The following SMYD3 variants were observed in gnomAD, a reference collection of about 807,000 sequenced individuals.
SMYD3 encodes SET and MYND domain containing 3.
A neutral mutation model predicts 57.7 loss-of-function variants in SMYD3; 36 were observed. That is an observed-to-expected ratio of 0.62 (90% CI 0.48 to 0.82). SMYD3 has a LOEUF of 0.82. Ranked by LOEUF, SMYD3 falls within the 40% of genes least tolerant of loss-of-function variation. SMYD3 has a pLI of 0.00. For missense variants in SMYD3, 515 were observed against 538.8 expected (o/e 0.96, Z 0.44); for synonymous variants, 211 against 195.0 (o/e 1.08, Z -0.68).
chr1:246,369,191 C>G (rs780476422), intron 1 of SMYD3, among the ~76,000 whole-genome samples: 3 of 152,156 alleles, frequency 2.0e-5, no homozygotes, highest in Non-Finnish European at 4.4e-5. Context: ...TACTCATTAT[C>G]ATCACAGTTT....
intron 5 of SMYD3, among the ~76,000 whole-genome samples, chr1:246,194,547 G>A (rs183671041): frequency 8.5e-5 from 13 of 152,254 alleles, no homozygotes; most frequent in East Asian, 5.8e-4. Flanking sequence ...GATTACAGGC[G>A]TCAGCCACTG....
intron 10 of SMYD3, among the ~76,000 whole-genome samples, chr1:245,829,414 A>G (rs2049704789): frequency 1.3e-5 from 2 of 152,170 alleles, no homozygotes; most frequent in Non-Finnish European, 2.9e-5. Flanking sequence ...GGCAAATTCA[A>G]ATTGAAACCA....
chr1:245,945,199 A>G (rs909814961), intron 5 of SMYD3, among the ~76,000 whole-genome samples: 2 of 152,236 alleles, frequency 1.3e-5, no homozygotes, highest in Non-Finnish European at 2.9e-5. Flanking sequence ...AACAGCCTAC[A>G]GAATGGAAGA....
chr1:246,323,263 G>T (rs535212684), intron 5 of SMYD3, among the ~76,000 whole-genome samples: 2 of 152,186 alleles, frequency 1.3e-5, no homozygotes, highest in African/African-American at 4.8e-5. Context: ...ATTAGGGTGT[G>T]TGTGTATTAA....
intron 5 of SMYD3, among the ~76,000 whole-genome samples, chr1:246,012,982 T>C (rs2059310797): frequency 6.6e-6 from 1 of 152,160 alleles, no homozygotes; most frequent in African/African-American, 2.4e-5. Context: ...ATGCTCCATA[T>C]TTGAAAGGAA....
At chr1:245,966,946 C>T (rs915674051) in intron 5 of SMYD3, among the ~76,000 whole-genome samples, 2 of 152,184 alleles carry the variant, frequency 1.3e-5, no homozygotes, top group Admixed American at 6.5e-5. Flanking sequence ...GCTTGCTTCT[C>T]ATCGATATCC....
At chr1:246,366,477 C>G (rs1344575736) in intron 1 of SMYD3, among the ~76,000 whole-genome samples, 2 of 151,980 alleles carry the variant, frequency 1.3e-5, no homozygotes, top group Admixed American at 6.6e-5. Context: ...TGGCAGGCTC[C>G]CCTGCAGAGA....
At chr1:246,477,905 C>T (rs922099846) in intron 1 of SMYD3, among the ~76,000 whole-genome samples, 1 of 152,228 alleles carries the variant, frequency 6.6e-6, no homozygotes, top group Non-Finnish European at 1.5e-5. Flanking sequence ...TGCGTCTACA[C>T]TACTGGTACT....
At chr1:246,135,032 A>G (rs1043457747) in intron 5 of SMYD3, among the ~76,000 whole-genome samples, 37 of 152,110 alleles carry the variant, frequency 2.4e-4, no homozygotes, top group African/African-American at 8.7e-4. Flanking sequence ...AATGCAAAAC[A>G]GCTTCTCTGA....
chr1:246,226,325 C>T (rs946010758), intron 5 of SMYD3, among the ~76,000 whole-genome samples: 2 of 151,062 alleles, frequency 1.3e-5, no homozygotes, highest in Non-Finnish European at 2.9e-5. Flanking sequence ...ACTAAGCACA[C>T]TTTGCATGAG....
chr1:246,467,630 C>A (rs2067899303), intron 1 of SMYD3, among the ~76,000 whole-genome samples: 1 of 152,066 alleles, frequency 6.6e-6, no homozygotes, highest in Admixed American at 6.6e-5. Context: ...TAAAAGTCTC[C>A]CATCAAAGCA....
At chr1:245,958,900 CTT>C (rs903368680) in intron 5 of SMYD3, among the ~76,000 whole-genome samples, 3 of 152,078 alleles carry the variant, frequency 2.0e-5, no homozygotes, top group Non-Finnish European at 4.4e-5. Flanking sequence ...ATTAAGAACT[CTT>C]TTTTGTTGTT....
At chr1:246,440,333 T>C (rs969762865) in intron 1 of SMYD3, among the ~76,000 whole-genome samples, 2 of 152,108 alleles carry the variant, frequency 1.3e-5, no homozygotes, top group Non-Finnish European at 2.9e-5. Flanking sequence ...AAAAGATACC[T>C]CCCACAAATT....
chr1:245,825,526 G>C (rs890898053), intron 10 of SMYD3, among the ~76,000 whole-genome samples: 2 of 152,122 alleles, frequency 1.3e-5, no homozygotes, highest in African/African-American at 4.8e-5. Flanking sequence ...TGTGTCTTCA[G>C]GCTGGAAGGG....
At chr1:245,830,812 A>G (rs1331852907) in intron 10 of SMYD3, among the ~76,000 whole-genome samples, 1 of 152,206 alleles carries the variant, frequency 6.6e-6, no homozygotes, top group Non-Finnish European at 1.5e-5. Flanking sequence ...ACCTATCTCT[A>G]AACCAGAAGA....
chr1:245,967,535 C>CTGTG (rs1435811988), intron 5 of SMYD3, among the ~76,000 whole-genome samples: 1 of 152,186 alleles, frequency 6.6e-6, no homozygotes, highest in Non-Finnish European at 1.5e-5. Flanking sequence ...AGCTGTTGCA[C>CTGTG]TGTGAACTTG....
At chr1:245,774,132 T>A (rs2046443901) in intron 10 of SMYD3, among the ~76,000 whole-genome samples, 1 of 152,154 alleles carries the variant, frequency 6.6e-6, no homozygotes, top group African/African-American at 2.4e-5. Context: ...CAGGCCAGAA[T>A]GTGAGTGAAG....
At chr1:246,360,198 C>CA (rs2065966329) in intron 1 of SMYD3, among the ~76,000 whole-genome samples, 1 of 152,122 alleles carries the variant, frequency 6.6e-6, no homozygotes, top group South Asian at 2.1e-4. Context: ...ATCAAGAACT[C>CA]AATCCCTTTT....
At chr1:245,783,882 T>C (rs960308246) in intron 10 of SMYD3, among the ~76,000 whole-genome samples, 27 of 152,214 alleles carry the variant, frequency 1.8e-4, no homozygotes, top group South Asian at 4.1e-4. Flanking sequence ...GAAACACAGA[T>C]GAAAGATCTA....
Sources: gnomAD v4.1 joint callset for allele counts (sites outside exome capture counted in the v4.1 genomes callset) on GRCh38, gnomAD v4.1.1 for gene constraint, MANE v1.5 for transcripts, NCBI Gene and HGNC (gene_info 2026-07-23, HGNC 2026-07-21) for gene names.